COL19A1: variants seen among roughly 807,000 people sequenced by gnomAD.
COL19A1 encodes the protein collagen type XIX alpha 1 chain.
In COL19A1, 159 loss-of-function variants were observed where a neutral mutation model predicts 190.2. The observed-to-expected ratio is 0.84, with a 90% CI of 0.73 to 0.95. The LOEUF is 0.95. Among genes scored for constraint, COL19A1 ranks in the 40% least tolerant of loss-of-function variants. The pLI is 0.00. For missense variants in COL19A1, 1,418 were observed against 1,431.9 expected, an observed-to-expected ratio of 0.99 and a Z score of 0.16; for synonymous variants, 509 against 458.9, an observed-to-expected ratio of 1.11 and a Z score of -1.39.
chr6:70,078,450 C>T (rs1782022299), intron 15 of COL19A1, among the ~76,000 whole-genome samples: 1 of 152,212 alleles, frequency 6.6e-6, no homozygotes, highest in Admixed American at 6.5e-5. Context: ...CCTGATCTCA[C>T]AAGACACTCT....
chr6:70,058,279 T>G (rs912509122), intron 14 of COL19A1, among the ~76,000 whole-genome samples: 8 of 152,056 alleles, frequency 5.3e-5, no homozygotes, highest in African/African-American at 1.9e-4. Flanking sequence ...ATTCCAGGTC[T>G]CCATATGAAA....
chr6:69,951,126 G>T (rs1450898816), intron 9 of COL19A1, among the ~76,000 whole-genome samples: 1 of 151,808 alleles, frequency 6.6e-6, no homozygotes, highest in African/African-American at 2.4e-5. Flanking sequence ...TAAGTATGAA[G>T]TAAATCATAG....
chr6:70,140,422 C>A (rs559852018), intron 19 of COL19A1, among the ~76,000 whole-genome samples: 15 of 151,830 alleles, frequency 9.9e-5, no homozygotes, highest in African/African-American at 3.6e-4. Context: ...TTGCTTGAAT[C>A]CATGGACACA....
chr6:70,206,956 T>C lies in COL19A1; in HGVS notation c.3279T>C (p.Ser1093=). ...RGEPGIGLPG[S]PGLPGTSALG... ...AACCTGGAATTGGGCTGCCAGGGAG[T>C]CCAGGTCTTCCTGGGACTTCAGGTA... Residue 1093 remains serine, a synonymous_variant, in exon 50 of 51, where the codon AGT becomes AGC. Transcript: ENST00000620364. 6.2e-7 allele frequency: 1 copy of C among 1,613,584 alleles called. No homozygotes were observed. The highest frequency in any genetic ancestry group is 1.3e-5 in the African/African-American group (1 of 74,920).
At chr6:70,119,591 G>A (rs77297861) in intron 16 of COL19A1, among the ~76,000 whole-genome samples, 2,504 of 152,244 alleles carry the variant, frequency 0.016, 98 homozygotes, top group East Asian at 0.15. Context: ...TAGAGTAGAC[G>A]AGAACTGGCT....
At chr6:70,008,308 A>G (rs1777760272) in intron 11 of COL19A1, among the ~76,000 whole-genome samples, 1 of 150,860 alleles carries the variant, frequency 6.6e-6, no homozygotes, top group Non-Finnish European at 1.5e-5. Flanking sequence ...ACTGATCAGG[A>G]AAAAAAAAGG....
chr6:69,935,446 A>G (rs949894634), intron 7 of COL19A1, among the ~76,000 whole-genome samples: 1 of 152,044 alleles, frequency 6.6e-6, no homozygotes, highest in African/African-American at 2.4e-5. Flanking sequence ...GAAAGCCATG[A>G]GGTAAGAACT....
At chr6:69,877,305 T>G (rs934718464) in intron 1 of COL19A1, among the ~76,000 whole-genome samples, 72 of 152,352 alleles carry the variant, frequency 4.7e-4, no homozygotes, top group African/African-American at 1.7e-3. Context: ...TTAATTTAAA[T>G]GATGTTTAAG....
At chr6:70,123,252 AGTGAG>A (rs910773929) in intron 17 of COL19A1, among the ~76,000 whole-genome samples, 4 of 151,948 alleles carry the variant, frequency 2.6e-5, no homozygotes, top group African/African-American at 9.7e-5. Context: ...TCAAAACCAC[AGTGAG>A]ATACCATCTC....
At chr6:69,923,778 A>G (rs1407645008) in intron 4 of COL19A1, among the ~76,000 whole-genome samples, 1 of 152,276 alleles carries the variant, frequency 6.6e-6, no homozygotes, top group South Asian at 2.1e-4. Context: ...CAAGCTCTGA[A>G]CAAGCAGAAC....
rs540943806 is a variant in COL19A1 at position 70,130,327 on chromosome 6, G to A, written c.1383+104G>A. The A allele has an allele frequency of 3.4e-6, 3 of 886,766 alleles. No homozygotes were observed. The East Asian group carries it at 8.6e-5, about 25-fold the overall frequency. 54.9% of individuals were successfully genotyped at this position (886,766 alleles called of 1,614,324 possible). On this transcript the variant is annotated intron_variant, in intron 18 of 50. Transcript: ENST00000620364. ...TATAACCTCCACCTCCCAGGTTCAA[G>A]TGATTCTCCTGCCTCAGCCTCCCAA...
At position 70,180,088 on chromosome 6, in the gene COL19A1, G is replaced by A. The variant is rs141582098; in HGVS notation, c.2668-224G>A. ...TTTAGTAGAGACAGGGTTTCGCCAC[G>A]TTGGCCAGGCTAGTCTTGAACTCCT... On this transcript the variant is annotated intron_variant, in intron 42 of 50. Coordinates refer to ENST00000620364, the MANE Select transcript of COL19A1 (RefSeq NM_001858.6). Among the ~76,000 whole-genome samples, 2,581 of 152,154 alleles carry A rather than the reference G, an allele frequency of 0.017. 78 individuals are homozygous for A. Among genetic ancestry groups the A allele is most frequent in the African/African-American group, 0.058 (2,414 of 41,488 alleles).
chr6:69,988,758 T>C (rs1402094224), intron 11 of COL19A1, among the ~76,000 whole-genome samples: 1 of 152,190 alleles, frequency 6.6e-6, no homozygotes, highest in East Asian at 1.9e-4. Context: ...CTCAAGAGGA[T>C]GGTTCCTAAA....
chr6:70,033,072 A>C (rs78392624), intron 12 of COL19A1, among the ~76,000 whole-genome samples: 301 of 152,276 alleles, frequency 2.0e-3, no homozygotes, highest in Non-Finnish European at 3.2e-3. Flanking sequence ...AATAATAACT[A>C]TGAGTTTTAT....
intron 9 of COL19A1, among the ~76,000 whole-genome samples, chr6:69,957,179 G>T (rs1051921075): frequency 2.6e-5 from 4 of 152,066 alleles, no homozygotes; most frequent in South Asian, 4.2e-4. Flanking sequence ...AATGTCAAAA[G>T]AATCAAGAAA....
chr6:70,149,155 G>C (rs1048840702), intron 27 of COL19A1, among the ~76,000 whole-genome samples: 1 of 152,154 alleles, frequency 6.6e-6, no homozygotes. Context: ...TCATGCAGAA[G>C]TTCATGGTTA....
At chr6:70,180,208 A>T in intron 42 of COL19A1, 104 bp from the exon 43 acceptor site, 1 of 1,295,506 alleles carries the variant, frequency 7.7e-7, no homozygotes, top group Non-Finnish European at 1.1e-6. Flanking sequence ...GGAGAGCATC[A>T]CCCTTGGGAG....
intron 18 of COL19A1, among the ~76,000 whole-genome samples, chr6:70,132,267 A>AAACACCT: frequency 6.6e-6 from 1 of 152,188 alleles, no homozygotes; most frequent in East Asian, 1.9e-4. Flanking sequence ...GCATGCTGGC[A>AAACACCT]AACACCTGTG....
chr6:70,063,958 T>C (rs141478820), intron 14 of COL19A1, among the ~76,000 whole-genome samples: 8,668 of 151,980 alleles, frequency 0.057, 821 homozygotes, highest in African/African-American at 0.2. Flanking sequence ...AGACCAATAA[T>C]AGGCTCTGAA....
Sources: allele counts gnomAD v4.1 joint callset (sites outside exome capture counted in the v4.1 genomes callset), GRCh38; gene constraint gnomAD v4.1.1; transcripts MANE v1.5; gene names NCBI Gene and HGNC (gene_info 2026-07-23, HGNC 2026-07-21).